The following ATP11C variants were observed in gnomAD, a reference collection of about 807,000 sequenced individuals.
ATP11C encodes phospholipid-transporting ATPase IG.
In ATP11C, 36 loss-of-function variants were observed where a neutral mutation model predicts 97.4. The ratio of observed to expected loss-of-function variants is 0.37; its 90% CI spans 0.28 to 0.49. The LOEUF is 0.49. Among genes scored for constraint, ATP11C ranks in the 20% least tolerant of loss-of-function variants. ATP11C has a pLI of 0.98. For synonymous variants in ATP11C, 275 were observed against 290.9 expected (o/e 0.95, Z 0.56); for missense variants, 730 against 824.6 (o/e 0.89, Z 1.40).
intron 1 of ATP11C, among the ~76,000 whole-genome samples, chrX:139,864,046 C>T (rs896333435): frequency 3.6e-5 from 4 of 110,476 alleles, no homozygotes; most frequent in East Asian, 5.7e-4. Context: ...CCAGTCTGGG[C>T]GACAGAGCAA....
chrX:139,903,342 T>C (rs1386770553), intron 1 of ATP11C, among the ~76,000 whole-genome samples: 2 of 110,332 alleles, frequency 1.8e-5, no homozygotes, highest in African/African-American at 6.6e-5. Context: ...TGCCCTCCTT[T>C]CTTATTGTAG....
chrX:139,783,060 G>C (rs1188800771), intron 17 of ATP11C, 104 bp downstream of exon 17: 2 of 576,995 alleles, frequency 3.5e-6, no homozygotes, highest in Non-Finnish European at 5.4e-6. Flanking sequence ...ACAAAAATAA[G>C]CTAAAATGTA....
chrX:139,790,324 C>T (rs1354405481), intron 12 of ATP11C, among the ~76,000 whole-genome samples: 2 of 111,565 alleles, frequency 1.8e-5, no homozygotes, highest in East Asian at 5.7e-4. Flanking sequence ...AAGCCTTGGC[C>T]TCCCAAAGTG....
At chrX:139,740,606 G>A (rs2081535761) in intron 27 of ATP11C, among the ~76,000 whole-genome samples, 1 of 111,757 alleles carries the variant, frequency 8.9e-6, no homozygotes, top group Non-Finnish European at 1.9e-5. Flanking sequence ...GAAAATAAGG[G>A]TCCAAATGGA....
intron 1 of ATP11C, among the ~76,000 whole-genome samples, chrX:139,869,917 T>C (rs1038960255): frequency 6.8e-5 from 7 of 103,501 alleles, no homozygotes; most frequent in African/African-American, 1.4e-4. Context: ...AAATGTGATA[T>C]ATTCATACAA....
chrX:139,788,208 C>T lies in ATP11C; in HGVS notation c.1504G>A (p.Val502Met). Reference protein sequence around the residue: ...ISSSPDEIALVKGAKRYGFTF... With the variant: ...ISSSPDEIALMKGAKRYGFTF... ...ATACTTTACCTTTTAGCTCCTTTCA[C>T]CAAAGCTATTTCATCTGGTGAAGAG... Residue 502 changes from valine to methionine, a missense_variant, in exon 14 of 30, where the codon GTG (valine) becomes ATG (methionine). By Grantham distance (21) the Val-to-Met change is conservative (BLOSUM62 1). Transcript: ENST00000682941. 1 of 1,205,963 alleles carries T rather than the reference C, an allele frequency of 8.3e-7. No homozygotes were observed. The highest frequency in any genetic ancestry group is 1.8e-5 in the South Asian group (1 of 55,525).
In ATP11C at chrX:139,737,734, C is replaced by G. The variant is rs1288276136; in HGVS notation, c.3288+182G>C. 1.5e-5 allele frequency: 8 copies of G among 535,565 alleles called. No homozygotes were observed. In the Admixed American group the frequency reaches 2.0e-4, roughly 13 times the overall value. The allele number at this position is 535,565 out of a possible 1,213,427, so 44.1% of individuals were successfully genotyped here. A position where few individuals can be genotyped will look rare whatever the true frequency, so the allele number is the denominator to read the frequency against. On this transcript the variant is annotated intron_variant, in intron 28 of 29. Transcript: ENST00000682941. ...CACTATTAAGGAATCTACTTACCAC[C>G]TGCATTGGATAACGAAGTTTTTACT...
chrX:139,902,859 A>G (rs2084919037), intron 1 of ATP11C, among the ~76,000 whole-genome samples: 1 of 111,995 alleles, frequency 8.9e-6, no homozygotes, highest in African/African-American at 3.2e-5. Context: ...AAGTTAGTGT[A>G]CCAACGGAGA....
chrX:139,916,074 C>T (rs1455648396), intron 1 of ATP11C, among the ~76,000 whole-genome samples: 1 of 109,902 alleles, frequency 9.1e-6, no homozygotes, highest in Admixed American at 9.8e-5. Context: ...ACTAAAAATA[C>T]AAAAATTAGC....
intron 1 of ATP11C, among the ~76,000 whole-genome samples, chrX:139,913,329 A>C (rs1014578228): frequency 2.7e-5 from 3 of 111,873 alleles, no homozygotes; most frequent in African/African-American, 9.8e-5. Context: ...ATTTGAGTTT[A>C]ATTAATTCTA....
intron 22 of ATP11C, 48 bp downstream of exon 22, chrX:139,761,913 C>A: frequency 2.1e-6 from 2 of 952,708 alleles, no homozygotes; most frequent in South Asian, 3.4e-5. Context: ...CAAGCTGAGC[C>A]AATGCTGGAT....
chrX:139,741,123 C>T lies in ATP11C; in HGVS notation c.3031-29G>A, dbSNP rs1002019345. 4 of 965,241 alleles carry T rather than the reference C, an allele frequency of 4.1e-6. No individual in the cohort carries two copies. In the African/African-American group the frequency reaches 5.7e-5, roughly 14 times the overall value. The allele number at this position is 965,241 out of a possible 1,213,427, so 79.5% of individuals were successfully genotyped here. A position where few individuals can be genotyped will look rare whatever the true frequency, so the allele number is the denominator to read the frequency against. On this transcript the variant is annotated intron_variant, in intron 26 of 29. Transcript: ENST00000682941. ...AAAAGATACAACACAAAAGATTTCA[C>T]GACGGTTACGAATTGCACCAGGCAA...
intron 1 of ATP11C, among the ~76,000 whole-genome samples, chrX:139,898,627 C>T (rs2084847802): frequency 9.0e-6 from 1 of 111,305 alleles, no homozygotes; most frequent in Non-Finnish European, 1.9e-5. Flanking sequence ...CAACTAAGTG[C>T]TCCAGAATAT....
At chrX:139,877,890 G>A (rs762325887) in intron 1 of ATP11C, among the ~76,000 whole-genome samples, 1 of 111,071 alleles carries the variant, frequency 9.0e-6, no homozygotes, top group African/African-American at 3.3e-5. Flanking sequence ...GGGCGTGGTG[G>A]CACGTGCCTG....
At chrX:139,868,170 A>G (rs955357015) in intron 1 of ATP11C, among the ~76,000 whole-genome samples, 2 of 111,820 alleles carry the variant, frequency 1.8e-5, no homozygotes, top group Admixed American at 1.9e-4. Context: ...TTAAAGACTT[A>G]AATGTAACAC....
At chrX:139,829,578 T>C (rs746813439) in intron 1 of ATP11C, among the ~76,000 whole-genome samples, 1 of 111,383 alleles carries the variant, frequency 9.0e-6, no homozygotes, top group South Asian at 3.8e-4. Context: ...TGGCACCTCG[T>C]AATGAATTGT....
chrX:139,785,608 C>A (rs1380329484), intron 15 of ATP11C, among the ~76,000 whole-genome samples: 2 of 111,475 alleles, frequency 1.8e-5, no homozygotes, highest in Admixed American at 1.9e-4. Context: ...TAGAAACAGT[C>A]CCACTCTGCC....
chrX:139,744,194 T>A (rs1281287279), intron 25 of ATP11C, among the ~76,000 whole-genome samples: 1 of 110,914 alleles, frequency 9.0e-6, no homozygotes, highest in Non-Finnish European at 1.9e-5. Context: ...GCTGTCAAGA[T>A]CTGAATGCGT....
At chrX:139,833,580 C>T (rs1469362672) in intron 1 of ATP11C, among the ~76,000 whole-genome samples, 1 of 110,353 alleles carries the variant, frequency 9.1e-6, no homozygotes, top group African/African-American at 3.3e-5. Flanking sequence ...GTCCTACCTA[C>T]TAGGGAACCT....
Sources: gnomAD v4.1 joint callset for allele counts (sites outside exome capture counted in the v4.1 genomes callset) on GRCh38, gnomAD v4.1.1 for gene constraint, MANE v1.5 for transcripts, NCBI Gene and HGNC (gene_info 2026-07-23, HGNC 2026-07-21) for gene names.